Variants in SPAG16 observed in about 807,000 individuals in gnomAD.
SPAG16 encodes sperm associated antigen 16.
SPAG16 carries 86 observed loss-of-function variants against 80.4 expected under a neutral mutation model. The ratio of observed to expected loss-of-function variants is 1.07; its 90% CI spans 0.90 to 1.28. The LOEUF (loss-of-function observed/expected upper bound fraction) is 1.28, where lower values mean the gene tolerates loss of function less well. Ranked by LOEUF, SPAG16 falls within the 50% of genes most tolerant of loss-of-function variation. The pLI is 0.00. For missense variants in SPAG16, 870 were observed against 765.3 expected (o/e 1.14, Z -1.61); for synonymous variants, 294 against 265.9 (o/e 1.11, Z -1.03).
chr2:213,435,575 A>C (rs1425714346), intron 9 of SPAG16, among the ~76,000 whole-genome samples: 1 of 152,224 alleles, frequency 6.6e-6, no homozygotes, highest in African/African-American at 2.4e-5. Flanking sequence ...TTAGAAAAAA[A>C]TGTAAGAAGT....
chr2:213,403,549 T>A (rs947452129), intron 9 of SPAG16, among the ~76,000 whole-genome samples: 5 of 152,032 alleles, frequency 3.3e-5, no homozygotes, highest in African/African-American at 1.2e-4. Context: ...TATTGATGGG[T>A]CGTATCTCAA....
chr2:214,234,328 G>A (rs1235343650), intron 15 of SPAG16, among the ~76,000 whole-genome samples: 2 of 152,076 alleles, frequency 1.3e-5, no homozygotes, highest in Non-Finnish European at 2.9e-5. Context: ...TTGCTATTGT[G>A]AATAGTGCTG....
At chr2:213,409,996 T>C (rs920037133) in intron 9 of SPAG16, among the ~76,000 whole-genome samples, 9 of 152,044 alleles carry the variant, frequency 5.9e-5, no homozygotes, top group African/African-American at 2.2e-4. Flanking sequence ...CACGTTCTTA[T>C]CTAGGGTGGA....
chr2:214,313,745 C>T (rs1405843908), intron 15 of SPAG16, among the ~76,000 whole-genome samples: 2 of 151,932 alleles, frequency 1.3e-5, no homozygotes, highest in Admixed American at 6.6e-5. Context: ...AATAAAAGTC[C>T]TGAAATGAAC....
chr2:213,886,326 A>T lies in SPAG16; in HGVS notation c.1214+23698A>T, dbSNP rs139604041. 1.5e-3 allele frequency among the ~76,000 whole-genome samples: 227 copies of T among 152,254 alleles called. 1 individual carries two copies. The highest frequency in any genetic ancestry group is 5.2e-3 in the African/African-American group (218 of 41,566). On this transcript the variant is annotated intron_variant, in intron 11 of 15. Coordinates refer to ENST00000331683, the MANE Select transcript of SPAG16 (RefSeq NM_024532.5). ...TGTCCTGCCTCCATGGGGAACGGATATTCAGAAACTAGAATCCCTTTGGCC... is the reference window on the plus strand; with the variant it reads ...TGTCCTGCCTCCATGGGGAACGGATTTTCAGAAACTAGAATCCCTTTGGCC...
intron 10 of SPAG16, among the ~76,000 whole-genome samples, chr2:213,789,468 A>G (rs141282179): frequency 0.01 from 1,582 of 152,100 alleles, 15 homozygotes; most frequent in Middle Eastern, 0.02. Context: ...GATTTATCTG[A>G]GAGTATGTGT....
At chr2:214,334,780 A>C (rs1284508014) in intron 15 of SPAG16, among the ~76,000 whole-genome samples, 3 of 152,340 alleles carry the variant, frequency 2.0e-5, no homozygotes, top group South Asian at 4.1e-4. Flanking sequence ...CACCACTGAT[A>C]ACATTTTAAC....
intron 15 of SPAG16, among the ~76,000 whole-genome samples, chr2:214,314,086 G>C (rs768688836): frequency 1.1e-4 from 16 of 151,980 alleles, no homozygotes; most frequent in Non-Finnish European, 5.9e-5. Flanking sequence ...GTGGTTCAGT[G>C]ACTAACATTG....
At chr2:213,471,769 G>A (rs1024045264) in intron 9 of SPAG16, among the ~76,000 whole-genome samples, 7 of 152,150 alleles carry the variant, frequency 4.6e-5, no homozygotes, top group Non-Finnish European at 1.0e-4. Flanking sequence ...TGGGTAACTC[G>A]ATGAATAGGC....
At chr2:213,767,655 TCA>T (rs3220937) in intron 10 of SPAG16, among the ~76,000 whole-genome samples, 6 of 147,774 alleles carry the variant, frequency 4.1e-5, no homozygotes, top group African/African-American at 7.5e-5. Context: ...ACAACATACT[TCA>T]CACACACACA....
chr2:213,636,477 CT>C lies in SPAG16; in HGVS notation c.1070+146388del, dbSNP rs1306501043. Among the ~76,000 whole-genome samples, 3 of 152,234 alleles carry C rather than the reference CT, an allele frequency of 2.0e-5. No individual in the cohort carries two copies. The East Asian group carries it at 5.8e-4, about 29-fold the overall frequency. On this transcript the variant is annotated intron_variant, in intron 10 of 15. Coordinates refer to ENST00000331683, the MANE Select transcript of SPAG16 (RefSeq NM_024532.5). ...CATGTGAATTTTAGGATTATTTTTT[CT>C]AGTTCTGTAAAGAATGATGTTGGTA...
At chr2:214,322,182 C>G (rs559862785) in intron 15 of SPAG16, among the ~76,000 whole-genome samples, 1 of 152,316 alleles carries the variant, frequency 6.6e-6, no homozygotes, top group East Asian at 1.9e-4. Flanking sequence ...AATCTCACCT[C>G]ACCCCTGGCT....
At chr2:213,413,595 T>A (rs2069104368) in intron 9 of SPAG16, among the ~76,000 whole-genome samples, 1 of 152,158 alleles carries the variant, frequency 6.6e-6, no homozygotes. Flanking sequence ...ATTTTAAATA[T>A]GTTTTTAAAA....
intron 13 of SPAG16, among the ~76,000 whole-genome samples, chr2:214,034,796 T>A (rs1397662613): frequency 6.6e-6 from 1 of 152,106 alleles, no homozygotes; most frequent in Non-Finnish European, 1.5e-5. Flanking sequence ...AGCTCCTAGG[T>A]CTGGGCTCCC....
At position 214,321,141 on chromosome 2, in the gene SPAG16, A is replaced by G. The variant is rs561510426; in HGVS notation, c.1721-88999A>G. Among the ~76,000 whole-genome samples, 3 of 152,340 alleles carry G rather than the reference A, an allele frequency of 2.0e-5. No individual in the cohort carries two copies. In the South Asian group the frequency reaches 6.2e-4, roughly 32 times the overall value. ...CAGGAAAAAAGAGAAGAATAAGATAATGGCTATCAGAGAAAGAATAATTGG... is the reference window on the plus strand; with the variant it reads ...CAGGAAAAAAGAGAAGAATAAGATAGTGGCTATCAGAGAAAGAATAATTGG... On this transcript the variant is annotated intron_variant, in intron 15 of 15. Transcript: ENST00000331683.
chr2:213,652,759 G>T (rs1219632124), intron 10 of SPAG16, among the ~76,000 whole-genome samples: 1 of 151,984 alleles, frequency 6.6e-6, no homozygotes, highest in Non-Finnish European at 1.5e-5. Flanking sequence ...CTAGATACAA[G>T]TTCTTTGTGA....
At chr2:214,185,523 A>G (rs2057439911) in intron 15 of SPAG16, among the ~76,000 whole-genome samples, 1 of 152,190 alleles carries the variant, frequency 6.6e-6, no homozygotes, top group African/African-American at 2.4e-5. Context: ...TGATGATGAG[A>G]TAAACTGCAC....
intron 13 of SPAG16, among the ~76,000 whole-genome samples, chr2:214,107,158 G>A (rs1311422300): frequency 6.6e-6 from 1 of 151,798 alleles, no homozygotes; most frequent in Non-Finnish European, 1.5e-5. Flanking sequence ...TACTAACCCT[G>A]CCTGACAATT....
At chr2:214,095,143 T>C (rs1413066865) in intron 13 of SPAG16, among the ~76,000 whole-genome samples, 1 of 152,046 alleles carries the variant, frequency 6.6e-6, no homozygotes, top group Admixed American at 6.6e-5. Flanking sequence ...TAACCATATT[T>C]TTAAAGCCAA....
Sources: allele counts gnomAD v4.1 joint callset (sites outside exome capture counted in the v4.1 genomes callset), GRCh38; gene constraint gnomAD v4.1.1; transcripts MANE v1.5; gene names NCBI Gene and HGNC (gene_info 2026-07-23, HGNC 2026-07-21).